DYNC1H1: variants seen among roughly 807,000 people sequenced by gnomAD.
DYNC1H1 encodes the protein cytoplasmic dynein 1 heavy chain 1.
DYNC1H1 carries 51 observed loss-of-function variants against 527.1 expected under a neutral mutation model. The observed-to-expected ratio is 0.10, with a 90% CI of 0.08 to 0.12. The LOEUF (loss-of-function observed/expected upper bound fraction) is 0.12, where lower values mean the gene tolerates loss of function less well. DYNC1H1 is among the 10% of genes least tolerant of loss of function. The pLI is 1.00. For missense variants in DYNC1H1, 2,771 were observed against 5,971.8 expected (o/e 0.46, Z 17.66); for synonymous variants, 2,189 against 2,278.8 (o/e 0.96, Z 1.12).
chr14:101,993,456 GC>G (rs957991299), intron 11 of DYNC1H1, among the ~76,000 whole-genome samples: 22 of 152,070 alleles, frequency 1.4e-4, no homozygotes, highest in African/African-American at 4.6e-4. Context: ...GGCTTGCTGG[GC>G]CCGTGTAATG....
At chr14:101,966,323 T>A (rs936589515) in intron 1 of DYNC1H1, among the ~76,000 whole-genome samples, 1 of 152,170 alleles carries the variant, frequency 6.6e-6, no homozygotes, top group Non-Finnish European at 1.5e-5. Context: ...AATAAACCAT[T>A]TGAGCATATT....
Position 102,038,282 on chromosome 14 carries a change from T to C in DYNC1H1, c.10909-178T>C. The C allele has an allele frequency of 9.0e-7, 1 of 1,105,612 alleles. No individual in the cohort carries two copies. The highest frequency in any genetic ancestry group is 1.3e-6 in the Non-Finnish European group (1 of 762,008). The allele number at this position is 1,105,612 out of a possible 1,614,324, so 68.5% of individuals were successfully genotyped here. ...GCGTGAGCCACCGCATCTGGCTGAG[T>C]TTTTAATTTTAGTTCATTTAAATGT... On this transcript the variant is annotated intron_variant, in intron 57 of 77. Transcript: ENST00000360184. The surrounding 1 kb of genome is among the most constrained non-coding windows in gnomAD (Gnocchi z 7.2).
chr14:102,042,969 T>G lies in DYNC1H1; in HGVS notation c.12513+221T>G, dbSNP rs190408953. The G allele has an allele frequency of 3.4e-6, 2 of 594,498 alleles. No homozygotes were observed. The highest frequency in any genetic ancestry group is 6.4e-5 in the East Asian group (2 of 31,324). 36.8% of individuals were successfully genotyped at this position (594,498 alleles called of 1,614,324 possible). A position where few individuals can be genotyped will look rare whatever the true frequency, so the allele number is the denominator to read the frequency against. ...TGGAAGGTCGAGGTGGGAGGATCAC[T>G]TGAGCCCAGGAGTTCAAGACTGTCT... On this transcript the variant is annotated intron_variant, in intron 69 of 77. Coordinates refer to ENST00000360184, the MANE Select transcript of DYNC1H1 (RefSeq NM_001376.5). The surrounding 1 kb of genome is among the most constrained non-coding windows in gnomAD (Gnocchi z 5.7).
At chr14:102,026,740 C>T (rs769685276) in intron 44 of DYNC1H1, 33 bp downstream of exon 44, 3 of 1,608,810 alleles carry the variant, frequency 1.9e-6, no homozygotes, top group Non-Finnish European at 2.5e-6. Context: ...CCCCACCTCT[C>T]GCCTAAGCTG....
At position 102,017,408 on chromosome 14, in the gene DYNC1H1, G is replaced by A. The variant is rs1387895396; in HGVS notation, c.8081G>A (p.Arg2694His). The A allele has an allele frequency of 5.0e-6, 8 of 1,614,124 alleles. No individual in the cohort carries two copies. The highest frequency in any genetic ancestry group is 2.2e-5 in the East Asian group (1 of 44,880). ...ATGGTGGAGCACGGAGGCTTTTACC[G>A]TACCTCAGATCAAACATGGGTGAAG... ...RQMVEHGGFY[R>H]TSDQTWVKLE... Residue 2694 changes from arginine to histidine, a missense_variant, in exon 40 of 78, where the codon CGT becomes CAT. By Grantham distance (29) the Arg-to-His change is conservative. Coordinates refer to ENST00000360184, the MANE Select transcript of DYNC1H1 (RefSeq NM_001376.5). The surrounding 1 kb of genome is among the most constrained non-coding windows in gnomAD (Gnocchi z 4.6).
chr14:102,050,543 G>A lies in DYNC1H1; in HGVS notation c.13921G>A (p.Ala4641Thr), dbSNP rs762692352. 3.7e-6 allele frequency: 6 copies of A among 1,614,210 alleles called. No individual in the cohort carries two copies. The highest frequency in any genetic ancestry group is 1.3e-5 in the African/African-American group (1 of 75,046). The part of the protein sequence containing the change: ...DPRSFYERGV[A>T]VLCTE ...TCGCAGCTTCTACGAGCGGGGTGTC[G>A]CAGTCTTGTGCACAGAGTAAACTTT... Residue 4641 changes from alanine (A) to threonine (T), a missense_variant, in exon 78 of 78, where the codon GCA becomes ACA. Transcript: ENST00000360184.
chr14:101,970,945 CA>C (rs1043711507), intron 1 of DYNC1H1, among the ~76,000 whole-genome samples: 1 of 152,086 alleles, frequency 6.6e-6, no homozygotes, highest in Non-Finnish European at 1.5e-5. Flanking sequence ...AGGAAGAGTA[CA>C]TGAGGGAATG....
intron 34 of DYNC1H1, 148 bp from the exon 35 acceptor site, chr14:102,014,957 A>G: frequency 1.2e-6 from 1 of 855,692 alleles, no homozygotes; most frequent in Non-Finnish European, 1.9e-6. Context: ...CTGCAATTAC[A>G]GGCACACGCC....
rs756718161 is a variant in DYNC1H1 at position 102,049,829 on chromosome 14, A to G, written c.13631A>G (p.Asn4544Ser). Residue 4544 changes from asparagine to serine, a missense_variant, in exon 76 of 78, where the codon AAC becomes AGC. Asn to Ser is a conservative substitution (Grantham distance 46). Coordinates refer to ENST00000360184, the MANE Select transcript of DYNC1H1 (RefSeq NM_001376.5). This position sits in a 1 kb window ranked among gnomAD's most constrained non-coding sequence, Gnocchi z 5.5. ...WSLEELCLEV[N>S]VTTSQGATLD... ...CTGGAGGAGCTCTGCCTGGAAGTCAACGTCACCACCTCACAGGGCGCCACC... is the reference window on the plus strand; with the variant it reads ...CTGGAGGAGCTCTGCCTGGAAGTCAGCGTCACCACCTCACAGGGCGCCACC... The G allele has an allele frequency of 2.5e-6, 4 of 1,613,780 alleles. No individual in the cohort carries two copies. The highest frequency in any genetic ancestry group is 3.4e-6 in the Non-Finnish European group (4 of 1,180,042).
Position 102,041,430 on chromosome 14 carries a change from T to C in DYNC1H1, c.11942-144T>C. On this transcript the variant is annotated intron_variant, in intron 64 of 77. Transcript: ENST00000360184. This position sits in a 1 kb window ranked among gnomAD's most constrained non-coding sequence, Gnocchi z 4.5. The stretch of plus-strand genomic sequence containing the variant: ...GAGGGCTCACGGAAGGCACAGCAGA[T>C]GTGGCTGAATTTCCTGATTTGAGCT... The C allele has an allele frequency of 7.6e-7, 1 of 1,320,164 alleles. No homozygotes were observed. Among genetic ancestry groups the C allele is most frequent in the Non-Finnish European group, 1.1e-6 (1 of 926,274 alleles). 81.8% of individuals were successfully genotyped at this position (1,320,164 alleles called of 1,614,324 possible).
Position 101,986,773 on chromosome 14 carries a change from CAT to C in DYNC1H1, c.2538+11_2538+12del, listed in dbSNP as rs17512061. The C allele has an allele frequency of 1.1e-5, 18 of 1,613,856 alleles. No homozygotes were observed. The Admixed American group carries it at 2.3e-4, about 21-fold the overall frequency. On this transcript the variant is annotated intron_variant, in intron 8 of 77. Transcript: ENST00000360184. The surrounding 1 kb of genome is among the most constrained non-coding windows in gnomAD (Gnocchi z 8.7). Reference sequence around the variant, plus strand: ...CAACTTCCAAGAAAAGGTATGCTCTCATGTAATCCTCAGGTGTCCTGGTAACG... The same window carrying C: ...CAACTTCCAAGAAAAGGTATGCTCTCGTAATCCTCAGGTGTCCTGGTAACG...
rs547331312 is a variant in DYNC1H1, at chr14:101,983,836, C to T, written c.1461+227C>T. Among the ~76,000 whole-genome samples the T allele has an allele frequency of 7.2e-4, 110 of 152,154 alleles. No homozygotes were observed. The highest frequency in any genetic ancestry group is 2.5e-3 in the African/African-American group (103 of 41,496). ...GGGATTACAGGTGCCTGCCACCACGCCCGGCTAATTGTTTATATTTTGAGT... is the reference window on the plus strand; with the variant it reads ...GGGATTACAGGTGCCTGCCACCACGTCCGGCTAATTGTTTATATTTTGAGT... On this transcript the variant is annotated intron_variant, in intron 7 of 77. Coordinates refer to ENST00000360184, the MANE Select transcript of DYNC1H1 (RefSeq NM_001376.5). This position sits in a 1 kb window ranked among gnomAD's most constrained non-coding sequence, Gnocchi z 5.3.
intron 69 of DYNC1H1, chr14:102,043,062 A>G (rs1422118621): frequency 1.6e-5 from 6 of 384,628 alleles, no homozygotes; most frequent in Non-Finnish European, 3.0e-5. Context: ...TGGGCAGATC[A>G]CTTGAGGTCA....
rs1048940830 is a variant in DYNC1H1, at chr14:102,042,908, C to T, written c.12513+160C>T. The stretch of plus-strand genomic sequence containing the variant: ...TGTAGGTAAAATTTCCTTCCATGGC[C>T]GGGCACCGTGGCTCACACTGGTAAT... On this transcript the variant is annotated intron_variant, in intron 69 of 77. Coordinates refer to ENST00000360184, the MANE Select transcript of DYNC1H1 (RefSeq NM_001376.5). The surrounding 1 kb of genome is among the most constrained non-coding windows in gnomAD (Gnocchi z 5.7). 2.8e-5 allele frequency: 23 copies of T among 823,776 alleles called. 1 individual carries two copies. Among genetic ancestry groups the T allele is most frequent in the Middle Eastern group, 6.7e-4 (2 of 2,994 alleles). 51.0% of individuals were successfully genotyped at this position (823,776 alleles called of 1,614,324 possible). A position where few individuals can be genotyped will look rare whatever the true frequency, so the allele number is the denominator to read the frequency against.
chr14:101,969,174 C>T (rs947925633), intron 1 of DYNC1H1, among the ~76,000 whole-genome samples: 1 of 147,718 alleles, frequency 6.8e-6, no homozygotes. Context: ...CCTGCCACCA[C>T]ACCTGGTTAA....
intron 73 of DYNC1H1, 65 bp downstream of exon 73, chr14:102,048,093 C>T (rs2048752160): frequency 2.6e-6 from 4 of 1,532,682 alleles, no homozygotes; most frequent in Non-Finnish European, 8.8e-7. Context: ...GGTCATGGAC[C>T]ATTGTTCCAT....
rs928176814 is a variant in DYNC1H1 at position 101,985,000 on chromosome 14, G to A, written c.1462-687G>A. 5.6e-4 allele frequency among the ~76,000 whole-genome samples: 83 copies of A among 148,684 alleles called. No homozygotes were observed. In the Middle Eastern group the frequency reaches 0.022, roughly 39 times the overall value. ...TCACCATGTTGGCCAGGCTGGTCTC[G>A]AGCTCCTGACCGCAAGTGATCCACC... is the stretch of plus-strand genomic sequence containing the variant. On this transcript the variant is annotated intron_variant, in intron 7 of 77. Transcript: ENST00000360184.
chr14:101,986,811 A>C lies in DYNC1H1; in HGVS notation c.2538+48A>C. 1 of 1,601,848 alleles carries C rather than the reference A, an allele frequency of 6.2e-7. No homozygotes were observed. Among genetic ancestry groups the C allele is most frequent in the Non-Finnish European group, 8.6e-7 (1 of 1,169,234 alleles). On this transcript the variant is annotated intron_variant, in intron 8 of 77. Coordinates refer to ENST00000360184, the MANE Select transcript of DYNC1H1 (RefSeq NM_001376.5). This position sits in a 1 kb window ranked among gnomAD's most constrained non-coding sequence, Gnocchi z 8.7. ...GGTGTCCTGGTAACGAATGAAGCAC[A>C]GTAATAGCGAGCTCAGTTAAAACAC...
chr14:101,971,905 C>G (rs1452144870), intron 1 of DYNC1H1, among the ~76,000 whole-genome samples: 44 of 152,138 alleles, frequency 2.9e-4, no homozygotes, highest in Admixed American at 2.8e-3. Context: ...AGGAAGTGTT[C>G]ACAAGTTGTT....
Sources: allele counts gnomAD v4.1 joint callset (sites outside exome capture counted in the v4.1 genomes callset), GRCh38; gene constraint gnomAD v4.1.1; non-coding constraint Gnocchi (gnomAD v3.1); transcripts MANE v1.5; gene names NCBI Gene and HGNC (gene_info 2026-07-23, HGNC 2026-07-21).